DACH2: variants seen among roughly 807,000 people sequenced by gnomAD.
The protein encoded by DACH2 is dachshund family transcription factor 2.
In DACH2, 17 loss-of-function variants were observed where a neutral mutation model predicts 35.8. The ratio of observed to expected loss-of-function variants is 0.48; its 90% CI spans 0.33 to 0.71. The LOEUF is 0.71. Ranked by LOEUF, DACH2 falls within the 30% of genes least tolerant of loss-of-function variation. The pLI is 0.02. For missense variants in DACH2, 469 were observed against 472.7 expected (o/e 0.99, Z 0.07); for synonymous variants, 195 against 177.3 (o/e 1.10, Z -0.79).
chrX:86,294,061 C>T (rs1205531507), intron 1 of DACH2, among the ~76,000 whole-genome samples: 2 of 111,732 alleles, frequency 1.8e-5, no homozygotes, highest in African/African-American at 3.3e-5. Flanking sequence ...TCAGGTACAC[C>T]AATCAGATGT....
chrX:86,736,994 A>AT (rs2041602970), intron 6 of DACH2, among the ~76,000 whole-genome samples: 1 of 111,845 alleles, frequency 8.9e-6, no homozygotes, highest in Non-Finnish European at 1.9e-5. Context: ...ATGAAAGGCA[A>AT]AAATGGCCAC....
At chrX:86,550,716 G>T (rs1474196244) in intron 3 of DACH2, among the ~76,000 whole-genome samples, 18 of 111,206 alleles carry the variant, frequency 1.6e-4, no homozygotes, top group Non-Finnish European at 5.7e-5. Context: ...AAAAGAAAGT[G>T]CCCTATGCGA....
At chrX:86,556,262 A>G (rs1305951004) in intron 3 of DACH2, among the ~76,000 whole-genome samples, 4 of 111,289 alleles carry the variant, frequency 3.6e-5, no homozygotes, top group Non-Finnish European at 7.5e-5. Flanking sequence ...TTATCGACCT[A>G]GAAAGCCAAT....
At chrX:86,249,066 A>G (rs1210448614) in intron 1 of DACH2, among the ~76,000 whole-genome samples, 1 of 111,796 alleles carries the variant, frequency 8.9e-6, no homozygotes, top group African/African-American at 3.3e-5. Context: ...AAAATGGATT[A>G]AAAACTTATA....
chrX:86,269,758 G>A (rs2033778960), intron 1 of DACH2, among the ~76,000 whole-genome samples: 1 of 110,308 alleles, frequency 9.1e-6, no homozygotes, highest in Admixed American at 9.8e-5. Flanking sequence ...GAAATGACAT[G>A]TTAGAACCTA....
intron 3 of DACH2, among the ~76,000 whole-genome samples, chrX:86,644,711 A>G (rs1052450146): frequency 3.6e-5 from 4 of 111,516 alleles, no homozygotes; most frequent in African/African-American, 1.3e-4. Flanking sequence ...TGGTACAAAA[A>G]CAGGTGCATA....
chrX:86,293,002 A>ATCTG (rs2148001460), intron 1 of DACH2, among the ~76,000 whole-genome samples: 1 of 99,964 alleles, frequency 1.0e-5, no homozygotes, highest in African/African-American at 3.8e-5. Flanking sequence ...TGTCTCGTTG[A>ATCTG]TCTGTCTAAT....
intron 3 of DACH2, among the ~76,000 whole-genome samples, chrX:86,574,665 G>A (rs1436896098): frequency 9.0e-6 from 1 of 111,569 alleles, no homozygotes; most frequent in African/African-American, 3.2e-5. Flanking sequence ...TTAAAATAAA[G>A]GAATGTATTG....
At chrX:86,220,717 AT>A (rs1353077250) in intron 1 of DACH2, among the ~76,000 whole-genome samples, 1 of 111,842 alleles carries the variant, frequency 8.9e-6, no homozygotes, top group Non-Finnish European at 1.9e-5. Flanking sequence ...GCTGATTGTA[AT>A]TTTTTGAATA....
At chrX:86,281,795 C>T (rs1309046560) in intron 1 of DACH2, among the ~76,000 whole-genome samples, 1 of 112,276 alleles carries the variant, frequency 8.9e-6, no homozygotes. Flanking sequence ...TAAGCAACTT[C>T]AGCAAAGTCT....
intron 1 of DACH2, among the ~76,000 whole-genome samples, chrX:86,374,990 A>G (rs1352495250): frequency 1.8e-5 from 2 of 110,431 alleles, no homozygotes; most frequent in Non-Finnish European, 3.8e-5. Flanking sequence ...TAGAAGTCAC[A>G]TTTTACTTAG....
At chrX:86,413,568 T>G (rs1044477254) in intron 2 of DACH2, among the ~76,000 whole-genome samples, 1 of 112,094 alleles carries the variant, frequency 8.9e-6, no homozygotes, top group Non-Finnish European at 1.9e-5. Flanking sequence ...AATAGGGATG[T>G]AGTGGGAATC....
rs182376454 is a variant in DACH2 at position 86,346,661 on chromosome X, A to G, written c.489-30163A>G. On this transcript the variant is annotated intron_variant, in intron 1 of 11. Transcript: ENST00000373125. ...TCAAAGTATAAGTTCATAAAGTTTT[A>G]ATAGTGTTTCTCCCTTTTCCCCATC... is the stretch of plus-strand genomic sequence containing the variant. 3.4e-3 allele frequency among the ~76,000 whole-genome samples: 379 copies of G among 111,873 alleles called. 2 individuals carry two copies. Among genetic ancestry groups the G allele is most frequent in the Non-Finnish European group, 5.8e-3 (308 of 53,105 alleles).
chrX:86,637,493 G>T (rs151063801), intron 3 of DACH2, among the ~76,000 whole-genome samples: 1 of 111,245 alleles, frequency 9.0e-6, no homozygotes, highest in Non-Finnish European at 1.9e-5. Context: ...ACCATTGGTA[G>T]ACTGATTAAA....
At position 86,487,208 on chromosome X, in the gene DACH2, CTATTCA is replaced by C. The variant is rs751201321; in HGVS notation, c.528-27070_528-27065del. On this transcript the variant is annotated intron_variant, in intron 2 of 11. Transcript: ENST00000373125. ...CCCAACTTTCACAGAGGAAGCCAAACTATTCAACTATGGGCACATTGGAATTGTACT... is the reference window on the plus strand; with the variant it reads ...CCCAACTTTCACAGAGGAAGCCAAACACTATGGGCACATTGGAATTGTACT... 4.5e-5 allele frequency among the ~76,000 whole-genome samples: 5 copies of C among 111,774 alleles called. No homozygotes were observed. In the East Asian group the frequency reaches 1.4e-3, roughly 32 times the overall value.
At chrX:86,801,691 A>G (rs1427089549) in intron 7 of DACH2, among the ~76,000 whole-genome samples, 2 of 112,153 alleles carry the variant, frequency 1.8e-5, no homozygotes, top group Non-Finnish European at 3.8e-5. Flanking sequence ...TCTGTGTTAT[A>G]CAGACTGTTT....
At chrX:86,651,853 G>T (rs866401964) in intron 4 of DACH2, among the ~76,000 whole-genome samples, 2 of 111,723 alleles carry the variant, frequency 1.8e-5, no homozygotes, top group Middle Eastern at 4.7e-3. Flanking sequence ...ATGGATGGAC[G>T]GATGGAAAGA....
Position 86,398,368 on chromosome X carries a change from T to A in DACH2, c.527+21506T>A, listed in dbSNP as rs770211249. ...CTGGATTCATTGATTTTTTGAAGGG[T>A]TTTTTTGTGTCTCTATTTCCTTCAG... On this transcript the variant is annotated intron_variant, in intron 2 of 11. Transcript: ENST00000373125. Among the ~76,000 whole-genome samples, 63 of 112,343 alleles carry A rather than the reference T, an allele frequency of 5.6e-4. 1 individual carries two copies. The highest frequency in any genetic ancestry group is 1.8e-3 in the African/African-American group (56 of 30,944).
chrX:86,486,465 T>C (rs1376136661), intron 2 of DACH2, among the ~76,000 whole-genome samples: 1 of 110,969 alleles, frequency 9.0e-6, no homozygotes, highest in African/African-American at 3.3e-5. Flanking sequence ...AGTTCCAGCT[T>C]CCTTTACCTA....
Sources: gnomAD v4.1 joint callset for allele counts (sites outside exome capture counted in the v4.1 genomes callset) on GRCh38, gnomAD v4.1.1 for gene constraint, MANE v1.5 for transcripts, NCBI Gene and HGNC (gene_info 2026-07-23, HGNC 2026-07-21) for gene names.